Variants in ERP44 observed in about 807,000 individuals in gnomAD.
ERP44 encodes endoplasmic reticulum resident protein 44.
A neutral mutation model predicts 53.4 loss-of-function variants in ERP44; 25 were observed. The observed-to-expected ratio is 0.47, with a 90% CI of 0.34 to 0.65. The LOEUF (loss-of-function observed/expected upper bound fraction) is 0.65. Among genes scored for constraint, ERP44 ranks in the 30% least tolerant of loss-of-function variants. The pLI, the probability that ERP44 is intolerant of heterozygous loss-of-function variation, is 0.01. For missense variants in ERP44, 338 were observed against 493.2 expected (o/e 0.69, Z 2.98); for synonymous variants, 145 against 161.2 (o/e 0.90, Z 0.76).
intron 4 of ERP44, among the ~76,000 whole-genome samples, chr9:100,049,806 C>T (rs1351286147): frequency 6.6e-6 from 1 of 152,096 alleles, no homozygotes; most frequent in Non-Finnish European, 1.5e-5. Context: ...AGATTTATAT[C>T]TGAATGTTTA....
At chr9:100,029,662 T>C (rs1206169877) in intron 4 of ERP44, among the ~76,000 whole-genome samples, 1 of 152,234 alleles carries the variant, frequency 6.6e-6, no homozygotes, top group Non-Finnish European at 1.5e-5. Flanking sequence ...GCAATTCCAT[T>C]ACTGTGTATT....
intron 1 of ERP44, among the ~76,000 whole-genome samples, chr9:100,080,528 C>A (rs1156228902): frequency 1.3e-5 from 2 of 151,684 alleles, no homozygotes; most frequent in African/African-American, 4.8e-5. Flanking sequence ...CAAGGGCCTA[C>A]AATTCACTTA....
chr9:100,096,800 T>C (rs1156881583), intron 1 of ERP44, among the ~76,000 whole-genome samples: 1 of 151,706 alleles, frequency 6.6e-6, no homozygotes, highest in Non-Finnish European at 1.5e-5. Context: ...GTTGGAAGAG[T>C]AGGAAAAAAG....
intron 1 of ERP44, 61 bp from the exon 2 acceptor site, chr9:100,060,233 C>T (rs1826130250): frequency 1.6e-5 from 21 of 1,338,624 alleles, no homozygotes; most frequent in East Asian, 3.0e-5. Flanking sequence ...TACGTAAAAG[C>T]GAAGTCTAAA....
chr9:100,018,304 T>C lies in ERP44; in HGVS notation c.597A>G (p.Ser199=). 1.9e-6 allele frequency: 3 copies of C among 1,602,280 alleles called. No individual in the cohort carries two copies. The highest frequency in any genetic ancestry group is 2.6e-6 in the Non-Finnish European group (3 of 1,169,422). The change falls in exon 7 of 12, where the codon TCA becomes TCG. Residue 199 remains serine, a synonymous_variant. Coordinates refer to ENST00000262455, the MANE Select transcript of ERP44 (RefSeq NM_015051.3). ...TGTCGCCACTATATCTTTCCGGTTTTGAAACATCCCTATAGGAAGGGAGAA... is the reference window on the plus strand; with the variant it reads ...TGTCGCCACTATATCTTTCCGGTTTCGAAACATCCCTATAGGAAGGGAGAA... ...CAFLSAFGDV[S]KPERYSGDNI...
intron 1 of ERP44, among the ~76,000 whole-genome samples, chr9:100,068,073 G>C (rs1481787201): frequency 1.3e-4 from 19 of 145,260 alleles, no homozygotes; most frequent in Non-Finnish European, 2.9e-4. Flanking sequence ...ATCCGGGAGG[G>C]AGGTGGGGGA....
chr9:100,020,560 C>T, intron 6 of ERP44, 56 bp downstream of exon 6: 2 of 848,426 alleles, frequency 2.4e-6, no homozygotes, highest in Non-Finnish European at 2.0e-6. Flanking sequence ...AATACAACAG[C>T]AATTTAACAT....
At chr9:100,061,405 C>T (rs891427000) in intron 1 of ERP44, among the ~76,000 whole-genome samples, 9 of 151,018 alleles carry the variant, frequency 6.0e-5, no homozygotes, top group African/African-American at 1.9e-4. Flanking sequence ...GATTGCACCA[C>T]TGCACTCCAG....
At chr9:100,038,547 T>C (rs747333926) in intron 4 of ERP44, among the ~76,000 whole-genome samples, 8 of 151,684 alleles carry the variant, frequency 5.3e-5, no homozygotes, top group Non-Finnish European at 1.2e-4. Context: ...GAAAATCACC[T>C]TCACTAAAAG....
chr9:100,057,688 G>T, intron 3 of ERP44, 132 bp downstream of exon 3: 1 of 679,774 alleles, frequency 1.5e-6, no homozygotes, highest in Non-Finnish European at 2.6e-6. Context: ...CCTTGTGGAT[G>T]AAACTTAATT....
At chr9:100,048,875 T>C (rs1826006266) in intron 4 of ERP44, among the ~76,000 whole-genome samples, 2 of 152,054 alleles carry the variant, frequency 1.3e-5, no homozygotes, top group Admixed American at 1.3e-4. Context: ...GAATGGGCAA[T>C]GGGAAGCTGT....
At chr9:100,000,050 AG>A (rs1418532145) in intron 10 of ERP44, among the ~76,000 whole-genome samples, 1 of 152,106 alleles carries the variant, frequency 6.6e-6, no homozygotes, top group Non-Finnish European at 1.5e-5. Context: ...GATTTTGTTG[AG>A]GACTTTTGCA....
At chr9:100,095,997 C>A (rs12341648) in intron 1 of ERP44, among the ~76,000 whole-genome samples, 1,726 of 152,072 alleles carry the variant, frequency 0.011, 20 homozygotes, top group Non-Finnish European at 0.019. Context: ...TTGAACAAAC[C>A]GAGAACAACA....
At chr9:100,079,809 C>A (rs1329382236) in intron 1 of ERP44, among the ~76,000 whole-genome samples, 1 of 151,952 alleles carries the variant, frequency 6.6e-6, no homozygotes, top group African/African-American at 2.4e-5. Flanking sequence ...GTGGTGTATG[C>A]CTGTAGTCCT....
At chr9:100,064,820 G>T (rs1406415357) in intron 1 of ERP44, among the ~76,000 whole-genome samples, 11 of 152,110 alleles carry the variant, frequency 7.2e-5, no homozygotes, top group Admixed American at 6.5e-4. Context: ...CAACAAAAAA[G>T]CTAAAAAGAA....
chr9:100,074,827 G>A (rs993250656), intron 1 of ERP44, among the ~76,000 whole-genome samples: 7 of 152,180 alleles, frequency 4.6e-5, no homozygotes. Flanking sequence ...TGGAGGTCAG[G>A]TAGTTAATGG....
chr9:100,043,876 A>G (rs1210792710), intron 4 of ERP44, among the ~76,000 whole-genome samples: 1 of 152,238 alleles, frequency 6.6e-6, no homozygotes, highest in Non-Finnish European at 1.5e-5. Flanking sequence ...GTTGTTCTAC[A>G]GCACTGTAGG....
chr9:99,985,399 A>T (rs192926734), intron 10 of ERP44, among the ~76,000 whole-genome samples: 105 of 152,340 alleles, frequency 6.9e-4, no homozygotes, highest in African/African-American at 2.4e-3. Context: ...ACATATATGT[A>T]ACTAAAAAAA....
chr9:100,006,449 T>C (rs1830426377), intron 10 of ERP44, 57 bp downstream of exon 10: 1 of 1,265,622 alleles, frequency 7.9e-7, no homozygotes, highest in South Asian at 1.3e-5. Context: ...ACAACTATTT[T>C]CAGTTCATTT....
Sources: gnomAD v4.1 joint callset for allele counts (sites outside exome capture counted in the v4.1 genomes callset) on GRCh38, gnomAD v4.1.1 for gene constraint, MANE v1.5 for transcripts, NCBI Gene and HGNC (gene_info 2026-07-23, HGNC 2026-07-21) for gene names.